BRSK2: variants seen among roughly 807,000 people sequenced by gnomAD.
BRSK2 encodes BR serine/threonine kinase 2.
In BRSK2, 19 loss-of-function variants were observed where a neutral mutation model predicts 83.3. That is an observed-to-expected ratio of 0.23 (90% confidence interval 0.16 to 0.33). The LOEUF (loss-of-function observed/expected upper bound fraction) is 0.33. Among genes scored for constraint, BRSK2 ranks in the 10% least tolerant of loss-of-function variants. The pLI, the probability that BRSK2 is intolerant of heterozygous loss-of-function variation, is 1.00. For missense variants in BRSK2, 798 were observed against 1,042.3 expected (o/e 0.77, Z 3.23); for synonymous variants, 519 against 435.4 (o/e 1.19, Z -2.39).
At chr11:1,440,078 G>C (rs1008632315) in intron 3 of BRSK2, among the ~76,000 whole-genome samples, 6 of 152,140 alleles carry the variant, frequency 3.9e-5, no homozygotes, top group Non-Finnish European at 5.9e-5. Flanking sequence ...AGCCACACCA[G>C]GGGCCACCAC....
At chr11:1,441,151 C>T in intron 4 of BRSK2, among the ~76,000 whole-genome samples, 1 of 109,610 alleles carries the variant, frequency 9.1e-6, no homozygotes, top group South Asian at 3.9e-4. Flanking sequence ...AGTGCACCGT[C>T]CCCCCATTAG....
intron 12 of BRSK2, 93 bp from the exon 13 acceptor site, chr11:1,449,683 T>C: frequency 8.9e-7 from 1 of 1,122,564 alleles, no homozygotes; most frequent in Non-Finnish European, 1.3e-6. Flanking sequence ...GCTCCAGGCC[T>C]CCTGGAGGGT....
Position 1,461,003 on chromosome 11 carries a change from C to T in BRSK2, c.*280C>T, listed in dbSNP as rs763602404. On this transcript the variant is annotated 3_prime_UTR_variant, in exon 20 of 20. Transcript: ENST00000528841. ...CCGAAAAGTTAACATGTCACCTCCA[C>T]GAGGCCATCCTCTGTGACCGAAGGC... The T allele has an allele frequency of 1.9e-6, 3 of 1,612,146 alleles. No homozygotes were observed. The highest frequency in any genetic ancestry group is 1.7e-6 in the Non-Finnish European group (2 of 1,179,354).
intron 1 of BRSK2, among the ~76,000 whole-genome samples, chr11:1,420,412 C>T (rs1848537218): frequency 1.3e-5 from 2 of 152,204 alleles, no homozygotes; most frequent in Non-Finnish European, 2.9e-5. Context: ...CAGACATTTT[C>T]AGTTTTCCAG....
chr11:1,400,225 G>A (rs1042021869), intron 1 of BRSK2, among the ~76,000 whole-genome samples: 4 of 152,192 alleles, frequency 2.6e-5, no homozygotes, highest in Non-Finnish European at 4.4e-5. Flanking sequence ...GCGTGGGGCC[G>A]TGGACTCAGT....
intron 1 of BRSK2, among the ~76,000 whole-genome samples, chr11:1,396,990 G>A (rs570261117): frequency 1.7e-4 from 26 of 152,366 alleles, no homozygotes; most frequent in Non-Finnish European, 2.8e-4. Context: ...TGGAAACACC[G>A]TACCGCGCAG....
Position 1,426,241 on chromosome 11 carries a change from C to CGGGGATGTGTGTGGGGCGTGCTCT in BRSK2, c.92-9776_92-9775insTGGGGATGTGTGTGGGGCGTGCTC, listed in dbSNP as rs1564826561. Among the ~76,000 whole-genome samples, 578 of 75,832 alleles carry CGGGGATGTGTGTGGGGCGTGCTCT rather than the reference C, an allele frequency of 7.6e-3. 29 individuals carry two copies. Among genetic ancestry groups the CGGGGATGTGTGTGGGGCGTGCTCT allele is most frequent in the African/African-American group, 0.034 (544 of 15,924 alleles). The allele number at this position is 75,832 out of a possible 152,430, so 49.7% of individuals were successfully genotyped here. A position where few individuals can be genotyped will look rare whatever the true frequency, so the allele number is the denominator to read the frequency against. ...CTGGGGATGTGTGTGGGGCGTGCTC[C>CGGGGATGTGTGTGGGGCGTGCTCT]GGGGATGTGTGTGGGGCGTGCTCCG... is the stretch of plus-strand genomic sequence containing the variant. On this transcript the variant is annotated intron_variant, in intron 1 of 19. Coordinates refer to ENST00000528841, the MANE Select transcript of BRSK2 (RefSeq NM_001256627.2).
rs574547842 is a variant in BRSK2 at position 1,424,521 on chromosome 11, G to T, written c.92-11519G>T. Among the ~76,000 whole-genome samples, 13 of 152,314 alleles carry T rather than the reference G, an allele frequency of 8.5e-5. No homozygotes were observed. In the South Asian group the frequency reaches 2.5e-3, roughly 29 times the overall value. On this transcript the variant is annotated intron_variant, in intron 1 of 19. Coordinates refer to ENST00000528841, the MANE Select transcript of BRSK2 (RefSeq NM_001256627.2). ...CCCTTCACTGGGGTGGGGCCAAGTGGCAGGAACTCCCCCAACATCTAAAGG... is the reference window on the plus strand; with the variant it reads ...CCCTTCACTGGGGTGGGGCCAAGTGTCAGGAACTCCCCCAACATCTAAAGG...
At chr11:1,443,295 G>C (rs1340725386) in intron 6 of BRSK2, 40 bp from the exon 7 acceptor site, 2 of 1,577,436 alleles carry the variant, frequency 1.3e-6, no homozygotes, top group Non-Finnish European at 1.7e-6. Context: ...CCCCCGCCCT[G>C]CCCTGCGCCC....
chr11:1,435,787 G>A (rs1434417979), intron 1 of BRSK2, among the ~76,000 whole-genome samples: 1 of 151,788 alleles, frequency 6.6e-6, no homozygotes, highest in African/African-American at 2.4e-5. Flanking sequence ...GGGAGAGGGC[G>A]AGGGGGGCCA....
At chr11:1,427,115 G>GC (rs1033510758) in intron 1 of BRSK2, among the ~76,000 whole-genome samples, 29 of 152,256 alleles carry the variant, frequency 1.9e-4, no homozygotes, top group African/African-American at 5.1e-4. Context: ...TGGACCTGCA[G>GC]CCCCCCATCC....
chr11:1,458,210 G>A (rs1846888792), intron 18 of BRSK2, among the ~76,000 whole-genome samples: 1 of 152,000 alleles, frequency 6.6e-6, no homozygotes, highest in African/African-American at 2.4e-5. Flanking sequence ...TCAGTCGAGC[G>A]CTCCTGCGTG....
intron 1 of BRSK2, among the ~76,000 whole-genome samples, chr11:1,427,467 C>T (rs907644017): frequency 3.9e-5 from 6 of 152,190 alleles, no homozygotes; most frequent in African/African-American, 1.2e-4. Flanking sequence ...CTCCCTGAGG[C>T]CCAGCATCCT....
chr11:1,461,099 C>T lies in BRSK2; in HGVS notation c.*376C>T, dbSNP rs1847448007. On this transcript the variant is annotated 3_prime_UTR_variant, in exon 20 of 20. Transcript: ENST00000528841. Reference sequence around the variant, plus strand: ...GGCAGTGAGGCCCAGCCCAGCGCCCCGTCCACCCCGCGGCAGCTCCTCGCC... The same window carrying T: ...GGCAGTGAGGCCCAGCCCAGCGCCCTGTCCACCCCGCGGCAGCTCCTCGCC... The T allele has an allele frequency of 1.7e-5, 26 of 1,495,430 alleles. 1 individual carries two copies. Among genetic ancestry groups the T allele is most frequent in the Middle Eastern group, 3.4e-4 (2 of 5,838 alleles). The allele number at this position is 1,495,430 out of a possible 1,614,324, so 92.6% of individuals were successfully genotyped here.
At position 1,389,965 on chromosome 11, in the gene BRSK2, C is replaced by A. The variant is rs1423031984; in HGVS notation, c.-320C>A. 6.7e-6 allele frequency: 1 copy of A among 148,418 alleles called. No individual in the cohort carries two copies. Among genetic ancestry groups the A allele is most frequent in the Non-Finnish European group, 1.5e-5 (1 of 66,410 alleles). 9.2% of individuals were successfully genotyped at this position (148,418 alleles called of 1,614,324 possible). On this transcript the variant is annotated 5_prime_UTR_variant, in exon 1 of 20. Coordinates refer to ENST00000528841, the MANE Select transcript of BRSK2 (RefSeq NM_001256627.2). The surrounding 1 kb of genome is among the most constrained non-coding windows in gnomAD (Gnocchi z 4.1). ...GCTCGGCTGCGCGGCCGCTGACGGG[C>A]GTGCGCTGGGGGCGCGGGGCGCGGG...
In BRSK2 at chr11:1,412,768, G is replaced by A. The variant is rs574962266; in HGVS notation, c.91+22393G>A. Among the ~76,000 whole-genome samples, 298 of 149,822 alleles carry A rather than the reference G, an allele frequency of 2.0e-3. 1 individual carries two copies. Among genetic ancestry groups the A allele is most frequent in the African/African-American group, 7.4e-3 (292 of 39,270 alleles). Reference sequence around the variant, plus strand: ...CTCCTGCCTGCTGGGAGTGGGCAACGGTGCCCTGGCTGCACAGATCAACCC... The same window carrying A: ...CTCCTGCCTGCTGGGAGTGGGCAACAGTGCCCTGGCTGCACAGATCAACCC... On this transcript the variant is annotated intron_variant, in intron 1 of 19. Coordinates refer to ENST00000528841, the MANE Select transcript of BRSK2 (RefSeq NM_001256627.2).
chr11:1,445,147 T>C (rs1851845490), intron 9 of BRSK2, 145 bp downstream of exon 9: 33 of 1,466,306 alleles, frequency 2.3e-5, no homozygotes, highest in Non-Finnish European at 3.0e-5. Flanking sequence ...GGGTGCGGGG[T>C]GCGGGCAGGA....
At chr11:1,416,145 TTC>T (rs960131967) in intron 1 of BRSK2, among the ~76,000 whole-genome samples, 2 of 152,190 alleles carry the variant, frequency 1.3e-5, no homozygotes, top group African/African-American at 4.8e-5. Context: ...TTTATAAAAT[TTC>T]TGTTTTAATT....
intron 18 of BRSK2, chr11:1,456,963 C>T (rs1025362378): frequency 2.9e-5 from 46 of 1,597,300 alleles, no homozygotes; most frequent in Non-Finnish European, 3.7e-5. Flanking sequence ...AGAACCCCCC[C>T]CACCAGCGCC....
Sources: allele counts gnomAD v4.1 joint callset (sites outside exome capture counted in the v4.1 genomes callset), GRCh38; gene constraint gnomAD v4.1.1; non-coding constraint Gnocchi (gnomAD v3.1); transcripts MANE v1.5; gene names NCBI Gene and HGNC (gene_info 2026-07-23, HGNC 2026-07-21).